The following AOX1 variants were observed in gnomAD, a reference collection of about 807,000 sequenced individuals.
AOX1 encodes aldehyde oxidase.
Under a neutral mutation model 169.5 loss-of-function variants are expected in AOX1, and 153 were observed. The observed-to-expected ratio is 0.90, with a 90% CI of 0.79 to 1.03. The LOEUF is 1.03. Ranked by LOEUF, AOX1 falls within the 50% of genes least tolerant of loss-of-function variation. AOX1 has a pLI of 0.00. For missense variants in AOX1, 1,656 were observed against 1,663.9 expected (o/e 1.00, Z 0.08); for synonymous variants, 562 against 581.9 (o/e 0.97, Z 0.49).
At chr2:200,612,583 A>G (rs754680365) in intron 13 of AOX1, 26 bp from the exon 14 acceptor site, 7 of 1,609,144 alleles carry the variant, frequency 4.4e-6, no homozygotes, top group East Asian at 2.2e-5. Flanking sequence ...GTGTTTCTAC[A>G]TGTGCCACTT....
chr2:200,658,268 A>AT (rs2035734321), intron 27 of AOX1, among the ~76,000 whole-genome samples: 1 of 152,210 alleles, frequency 6.6e-6, no homozygotes, highest in Non-Finnish European at 1.5e-5. Context: ...ATTGTTGAAA[A>AT]TTTGTAGATA....
At chr2:200,621,421 A>G (rs2034884520) in intron 18 of AOX1, among the ~76,000 whole-genome samples, 175 bp downstream of exon 18, 1 of 152,226 alleles carries the variant, frequency 6.6e-6, no homozygotes, top group Non-Finnish European at 1.5e-5. Context: ...CATTTTCTGT[A>G]CAAGTAAAGA....
At chr2:200,586,625 A>G (rs2034039319) in intron 1 of AOX1, among the ~76,000 whole-genome samples, 1 of 152,346 alleles carries the variant, frequency 6.6e-6, no homozygotes, top group East Asian at 1.9e-4. Flanking sequence ...GATTCGGGAC[A>G]AGACCGTAGA....
intron 26 of AOX1, among the ~76,000 whole-genome samples, chr2:200,653,321 G>A (rs75770912): frequency 0.027 from 4,046 of 152,260 alleles, 189 homozygotes; most frequent in African/African-American, 0.093. Context: ...ACCAAACTCC[G>A]TGGAGGGCAC....
intron 33 of AOX1, 90 bp from the exon 34 acceptor site, chr2:200,669,484 TA>T: frequency 7.2e-7 from 1 of 1,389,404 alleles, no homozygotes; most frequent in Non-Finnish European, 9.9e-7. Flanking sequence ...TAGTACGTAA[TA>T]TTTTTATATA....
intron 1 of AOX1, among the ~76,000 whole-genome samples, chr2:200,589,202 AG>A (rs1313849910): frequency 6.6e-6 from 1 of 152,182 alleles, no homozygotes; most frequent in Non-Finnish European, 1.5e-5. Flanking sequence ...CGACATCTGG[AG>A]GCAAGGACAG....
At chr2:200,604,905 GT>G in intron 9 of AOX1, 65 bp downstream of exon 9, 1 of 1,222,422 alleles carries the variant, frequency 8.2e-7, no homozygotes, top group Non-Finnish European at 1.2e-6. Context: ...TGGGGCCGGG[GT>G]GGGCTGGGGA....
chr2:200,623,399 C>G (rs1364106104), intron 18 of AOX1, among the ~76,000 whole-genome samples: 1 of 152,234 alleles, frequency 6.6e-6, no homozygotes. Flanking sequence ...GATGTGCTCA[C>G]CATCAGGGTT....
At chr2:200,617,662 A>T (rs191902372) in intron 16 of AOX1, among the ~76,000 whole-genome samples, 1 of 134,284 alleles carries the variant, frequency 7.4e-6, no homozygotes. Context: ...GTTAACTCCC[A>T]GACCCATTAC....
intron 15 of AOX1, among the ~76,000 whole-genome samples, chr2:200,615,722 T>G (rs1236199427): frequency 1.3e-5 from 2 of 152,238 alleles, no homozygotes; most frequent in Non-Finnish European, 2.9e-5. Flanking sequence ...ATAGAGCTGG[T>G]GGAAGCCAGT....
intron 31 of AOX1, among the ~76,000 whole-genome samples, chr2:200,663,573 C>CACACTCTCTCTCTG (rs1491163176): frequency 2.0e-5 from 2 of 99,386 alleles, no homozygotes; most frequent in Non-Finnish European, 4.3e-5. Flanking sequence ...CACACACACA[C>CACACTCTCTCTCTG]TCTCTCTCTC....
At chr2:200,618,254 A>T (rs2034809132) in intron 16 of AOX1, among the ~76,000 whole-genome samples, 1 of 152,258 alleles carries the variant, frequency 6.6e-6, no homozygotes, top group Non-Finnish European at 1.5e-5. Flanking sequence ...ACAAAAACTT[A>T]GTCAATACTC....
At chr2:200,663,497 C>G (rs911890626) in intron 31 of AOX1, among the ~76,000 whole-genome samples, 1 of 151,622 alleles carries the variant, frequency 6.6e-6, no homozygotes, top group African/African-American at 2.4e-5. Context: ...TAAGAGCATC[C>G]TTATGCTTTC....
chr2:200,621,236 C>T lies in AOX1; in HGVS notation c.1991C>T (p.Ala664Val), dbSNP rs146370823. Residue 664 changes from alanine (A) to valine (V), a missense_variant, in exon 18 of 35, where the codon GCG (alanine) becomes GTG (valine). Physicochemically the swap from Ala to Val is moderately conservative, Grantham distance 64. Transcript: ENST00000374700. The part of the protein sequence containing the change: ...CFFTEAEKFL[A>V]TDKVFCVGQL... ...TTTACTGAAGCTGAGAAATTTCTGG[C>T]GACAGATAAGGTACTGCATTTTTGC... is the stretch of plus-strand genomic sequence containing the variant. 5.6e-5 allele frequency: 90 copies of T among 1,613,586 alleles called. No homozygotes were observed. The highest frequency in any genetic ancestry group is 1.7e-4 in the Middle Eastern group (1 of 6,046).
At position 200,653,328 on chromosome 2, in the gene AOX1, G is replaced by A. The variant is rs967801180; in HGVS notation, c.3075+2127G>A. Reference sequence around the variant, plus strand: ...AGTTTGAGACCAAACTCCGTGGAGGGCACATGCTAAAAGCCTCCATTCTGA... The same window carrying A: ...AGTTTGAGACCAAACTCCGTGGAGGACACATGCTAAAAGCCTCCATTCTGA... On this transcript the variant is annotated intron_variant, in intron 26 of 34. Transcript: ENST00000374700. Among the ~76,000 whole-genome samples, 4 of 152,162 alleles carry A rather than the reference G, an allele frequency of 2.6e-5. No individual in the cohort carries two copies. In the East Asian group the frequency reaches 7.7e-4, roughly 29 times the overall value.
chr2:200,598,185 G>C (rs1459041410), intron 4 of AOX1, among the ~76,000 whole-genome samples: 2 of 151,570 alleles, frequency 1.3e-5, no homozygotes, highest in African/African-American at 4.8e-5. Flanking sequence ...GATGAAGGAA[G>C]AAAGAGAAAG....
At chr2:200,657,190 ATTTTTT>A (rs5837752) in intron 27 of AOX1, among the ~76,000 whole-genome samples, 1 of 62,910 alleles carries the variant, frequency 1.6e-5, no homozygotes, top group Non-Finnish European at 2.6e-5. Flanking sequence ...ATATATATAT[ATTTTTT>A]TTTTTTTTTA....
At chr2:200,665,267 C>G (rs1309879643) in intron 31 of AOX1, among the ~76,000 whole-genome samples, 2 of 152,220 alleles carry the variant, frequency 1.3e-5, no homozygotes, top group African/African-American at 4.8e-5. Context: ...ACTGGTCAAA[C>G]AGGCTGGCCT....
rs140537468 is a variant in AOX1, at chr2:200,656,368, C to G, written c.3076-474C>G. ...TTTCTGATTATAAGAGTCTTTAATGCTGTTAGCAGTCTGGTTCCTTCTGGA... is the reference window on the plus strand; with the variant it reads ...TTTCTGATTATAAGAGTCTTTAATGGTGTTAGCAGTCTGGTTCCTTCTGGA... On this transcript the variant is annotated intron_variant, in intron 26 of 34. Coordinates refer to ENST00000374700, the MANE Select transcript of AOX1 (RefSeq NM_001159.4). Among the ~76,000 whole-genome samples the G allele has an allele frequency of 1.6e-3, 245 of 152,282 alleles. 3 individuals are homozygous for G. The highest frequency in any genetic ancestry group is 0.014 in the Admixed American group (214 of 15,290).
Sources: allele counts gnomAD v4.1 joint callset (sites outside exome capture counted in the v4.1 genomes callset), GRCh38; gene constraint gnomAD v4.1.1; transcripts MANE v1.5; gene names NCBI Gene and HGNC (gene_info 2026-07-23, HGNC 2026-07-21).